The following ZZZ3 variants were observed in gnomAD, a reference collection of about 807,000 sequenced individuals.
ZZZ3 encodes zinc finger ZZ-type containing 3.
A neutral mutation model predicts 95.2 loss-of-function variants in ZZZ3; 22 were observed. That is an observed-to-expected ratio of 0.23 (90% CI 0.17 to 0.33). The LOEUF (loss-of-function observed/expected upper bound fraction) is 0.33. Ranked by LOEUF, ZZZ3 falls within the 10% of genes least tolerant of loss-of-function variation. The pLI is 1.00. For synonymous variants in ZZZ3, 335 were observed against 358.9 expected, an observed-to-expected ratio of 0.93 and a Z score of 0.75; for missense variants, 885 against 1,066.5, an observed-to-expected ratio of 0.83 and a Z score of 2.37.
At chr1:77,647,525 G>GAA (rs1206025084) in intron 1 of ZZZ3, among the ~76,000 whole-genome samples, 1 of 118,194 alleles carries the variant, frequency 8.5e-6, no homozygotes, top group South Asian at 2.6e-4. Flanking sequence ...TCTCAGGAAG[G>GAA]AAAAAAAAAA....
chr1:77,579,435 A>G, intron 10 of ZZZ3, 92 bp downstream of exon 10: 1 of 907,610 alleles, frequency 1.1e-6, no homozygotes. Context: ...TGAAAGTGTT[A>G]TGGCAGATCG....
chr1:77,628,183 C>T (rs968565914), intron 5 of ZZZ3, among the ~76,000 whole-genome samples: 8 of 152,162 alleles, frequency 5.3e-5, no homozygotes, highest in African/African-American at 1.7e-4. Flanking sequence ...TAATCTCATT[C>T]AGTGAGGCTA....
intron 5 of ZZZ3, among the ~76,000 whole-genome samples, chr1:77,625,579 T>TA (rs1667258555): frequency 6.6e-6 from 1 of 151,618 alleles, no homozygotes; most frequent in African/African-American, 2.4e-5. Context: ...TATAAGAACA[T>TA]AAAAAACCAA....
At chr1:77,571,304 C>G (rs1293219399) in intron 12 of ZZZ3, among the ~76,000 whole-genome samples, 1 of 152,006 alleles carries the variant, frequency 6.6e-6, no homozygotes, top group Non-Finnish European at 1.5e-5. Context: ...AAATAAATAA[C>G]CAGTGTTGGT....
Position 77,564,478 on chromosome 1 carries a change from C to G in ZZZ3, c.*1162G>C, listed in dbSNP as rs1418169590. 1 of 151,902 alleles carries G rather than the reference C, an allele frequency of 6.6e-6. No homozygotes were observed. The highest frequency in any genetic ancestry group is 2.4e-5 in the African/African-American group (1 of 41,284). 9.4% of individuals were successfully genotyped at this position (151,902 alleles called of 1,614,324 possible). A position where few individuals can be genotyped will look rare whatever the true frequency, so the allele number is the denominator to read the frequency against. ...TAAAAAAAAAAATCCAAAATCTAAC[C>G]AAAAGGAAGTCACAACAAGCATTCT... On this transcript the variant is annotated 3_prime_UTR_variant, in exon 15 of 15. Coordinates refer to ENST00000370801, the MANE Select transcript of ZZZ3 (RefSeq NM_015534.6).
chr1:77,579,391 T>TA lies in ZZZ3; in HGVS notation c.2082+135dup, dbSNP rs561339862. 1.1e-4 allele frequency: 61 copies of TA among 564,922 alleles called. 1 individual carries two copies. Among genetic ancestry groups the TA allele is most frequent in the South Asian group, 1.8e-4 (6 of 33,390 alleles). 35.0% of individuals were successfully genotyped at this position (564,922 alleles called of 1,614,324 possible). A position where few individuals can be genotyped will look rare whatever the true frequency, so the allele number is the denominator to read the frequency against. On this transcript the variant is annotated intron_variant, in intron 10 of 14. Transcript: ENST00000370801. ...TCAACGAAAATATATACAATTTTTT[T>TA]AAAAAAACACCACATACTACAGCAC... is the stretch of plus-strand genomic sequence containing the variant.
intron 1 of ZZZ3, among the ~76,000 whole-genome samples, chr1:77,669,851 A>T (rs919619340): frequency 1.4e-5 from 2 of 147,968 alleles, no homozygotes; most frequent in Non-Finnish European, 3.0e-5. Flanking sequence ...CAGCTGATTT[A>T]AAAAAAAAAG....
At position 77,634,183 on chromosome 1, in the gene ZZZ3, TAAATAAATA is replaced by T. The variant is rs1291353949; in HGVS notation, c.-51-787_-51-779del. ...AGACTGTCTCAAAAAAATAAATAAA[TAAATAAATA>T]AAATAAATAAAATAATAATCTTGAA... On this transcript the variant is annotated intron_variant, in intron 4 of 14. Coordinates refer to ENST00000370801, the MANE Select transcript of ZZZ3 (RefSeq NM_015534.6). Among the ~76,000 whole-genome samples the T allele has an allele frequency of 2.0e-5, 3 of 151,468 alleles. No homozygotes were observed. In the East Asian group the frequency reaches 6.0e-4, roughly 30 times the overall value.
chr1:77,649,209 A>G (rs1018582206), intron 1 of ZZZ3, among the ~76,000 whole-genome samples: 6 of 152,184 alleles, frequency 3.9e-5, no homozygotes, highest in Non-Finnish European at 8.8e-5. Context: ...TCATAACCAA[A>G]CTGCTTAAAA....
chr1:77,659,764 C>T (rs530711303), intron 1 of ZZZ3, among the ~76,000 whole-genome samples: 3 of 149,584 alleles, frequency 2.0e-5, no homozygotes, highest in East Asian at 3.9e-4. Context: ...AAAAAAAGTT[C>T]CTTTTAAAGT....
intron 9 of ZZZ3, 113 bp from the exon 10 acceptor site, chr1:77,579,741 T>C (rs1343182492): frequency 1.6e-6 from 1 of 622,230 alleles, no homozygotes; most frequent in Non-Finnish European, 2.6e-6. Context: ...TCTCCCACCT[T>C]TGGGGGTTAC....
chr1:77,590,591 A>G (rs1314183395), intron 5 of ZZZ3, among the ~76,000 whole-genome samples: 1 of 152,240 alleles, frequency 6.6e-6, no homozygotes, highest in Admixed American at 6.5e-5. Flanking sequence ...CTCTAGATTA[A>G]AGGACACAAG....
intron 1 of ZZZ3, among the ~76,000 whole-genome samples, chr1:77,673,758 G>A (rs1420425256): frequency 2.0e-5 from 3 of 151,884 alleles, no homozygotes; most frequent in Non-Finnish European, 4.4e-5. Context: ...AAGTTGTACT[G>A]TTCATAAATG....
intron 1 of ZZZ3, among the ~76,000 whole-genome samples, chr1:77,651,289 G>T (rs1288956816): frequency 6.6e-6 from 1 of 152,164 alleles, no homozygotes; most frequent in East Asian, 1.9e-4. Flanking sequence ...GGAGGCTGAG[G>T]TGGGAGGATC....
In ZZZ3 at chr1:77,632,093, T is replaced by A. The variant is rs1388125924; in HGVS notation, c.1262A>T (p.Asp421Val). ...SPNETNATVS[D>V]NVSQSPTNPG... ...ATTTGTAGGAGATTGACTTACATTA[T>A]CACTAACAGTTGCATTTGTTTCATT... Residue 421 changes from aspartate to valine, a missense_variant, in exon 5 of 15, where the codon GAT becomes GTT. Around this residue, in one of 5 missense-constraint regions of ZZZ3, gnomAD observed 556 missense variants for 652.9 expected, o/e 0.85. Coordinates refer to ENST00000370801, the MANE Select transcript of ZZZ3 (RefSeq NM_015534.6). 1.2e-6 allele frequency: 2 copies of A among 1,614,048 alleles called. No individual in the cohort carries two copies. Among genetic ancestry groups the A allele is most frequent in the African/African-American group, 1.3e-5 (1 of 74,954 alleles).
At chr1:77,678,618 C>T (rs1672479431) in intron 1 of ZZZ3, among the ~76,000 whole-genome samples, 1 of 152,168 alleles carries the variant, frequency 6.6e-6, no homozygotes, top group South Asian at 2.1e-4. Flanking sequence ...ATGTAATGGC[C>T]TTAAAACACT....
In ZZZ3 at chr1:77,576,143, C is replaced by A. The variant is rs755864004; in HGVS notation, c.2256G>T (p.Pro752=). The change falls in exon 12 of 15, where the codon CCG becomes CCT. Residue 752 remains proline, a synonymous_variant. Transcript: ENST00000370801. Reference sequence around the variant, plus strand: ...CATCATCTTCATCCATATACACTGGCGGTTCATGTGAAGTCATGAAAGTGG... The same window carrying A: ...CATCATCTTCATCCATATACACTGGAGGTTCATGTGAAGTCATGAAAGTGG... The part of the protein sequence containing the change: ...KPSTFMTSHE[P]PVYMDEDDDR... 14 of 1,613,030 alleles carry A rather than the reference C, an allele frequency of 8.7e-6. No individual in the cohort carries two copies.
At chr1:77,620,893 A>C in intron 5 of ZZZ3, among the ~76,000 whole-genome samples, 1 of 152,226 alleles carries the variant, frequency 6.6e-6, no homozygotes, top group East Asian at 1.9e-4. Flanking sequence ...CAGTAACTGA[A>C]GCCTAAGCAG....
chr1:77,581,627 C>T, intron 8 of ZZZ3, 149 bp downstream of exon 8: 1 of 620,588 alleles, frequency 1.6e-6, no homozygotes, highest in Non-Finnish European at 2.7e-6. Flanking sequence ...GTTAGGACTC[C>T]AACCTAAGTT....
Sources: allele counts gnomAD v4.1 joint callset (sites outside exome capture counted in the v4.1 genomes callset), GRCh38; gene constraint gnomAD v4.1.1; regional missense constraint gnomAD v4.1.1; transcripts MANE v1.5; gene names NCBI Gene and HGNC (gene_info 2026-07-23, HGNC 2026-07-21).